The following RYR1 variants were observed in gnomAD, a reference collection of about 807,000 sequenced individuals.
The protein encoded by RYR1 is ryanodine receptor 1, also known as central core disease of muscle.
A neutral mutation model predicts 583.5 loss-of-function variants in RYR1; 342 were observed. That is an observed-to-expected ratio of 0.59 (90% CI 0.54 to 0.64). RYR1 has a LOEUF of 0.64. Among genes scored for constraint, RYR1 ranks in the 30% least tolerant of loss-of-function variants. The pLI, the probability that RYR1 is intolerant of heterozygous loss-of-function variation, is 0.00. For missense variants in RYR1, 6,032 were observed against 6,917.2 expected (o/e 0.87, Z 4.54); for synonymous variants, 2,791 against 2,822.5 (o/e 0.99, Z 0.35).
chr19:38,504,754 G>T lies in RYR1; in HGVS notation c.8074G>T (p.Asp2692Tyr). The change falls in exon 51 of 106, where the codon GAC becomes TAC. Residue 2692 changes from aspartate (D) to tyrosine (Y), a missense_variant. By Grantham distance (160) the Asp-to-Tyr change is radical. Transcript: ENST00000359596. ...CTTCACCCGGTTTTCCCAGAAATAC[G>T]ACCCGGAGCTGTACCGCATGGCCAT... Reference protein sequence around the residue: ...IFDSLAHKKYDPELYRMAMPC... With the variant: ...IFDSLAHKKYYPELYRMAMPC... The T allele has an allele frequency of 1.9e-6, 3 of 1,614,034 alleles. No homozygotes were observed. The highest frequency in any genetic ancestry group is 2.2e-5 in the East Asian group (1 of 44,876).
chr19:38,501,130 T>C (rs567986945), intron 47 of RYR1, 140 bp downstream of exon 47: 32 of 818,686 alleles, frequency 3.9e-5, no homozygotes, highest in Non-Finnish European at 6.1e-5. Context: ...ATCATCAAGA[T>C]AGAAAATGAA....
At chr19:38,552,159 C>T (rs1006520930) in intron 89 of RYR1, among the ~76,000 whole-genome samples, 3 of 151,650 alleles carry the variant, frequency 2.0e-5, no homozygotes, top group African/African-American at 7.3e-5. Flanking sequence ...GACATGTTGC[C>T]CTAGCTGGTC....
rs1349716775 is a variant in RYR1 at position 38,514,957 on chromosome 19, A to C, written c.9473-69A>C. The C allele has an allele frequency of 2.9e-6, 3 of 1,050,936 alleles. No individual in the cohort carries two copies. The African/African-American group carries it at 4.7e-5, about 16-fold the overall frequency. The allele number at this position is 1,050,936 out of a possible 1,614,324, so 65.1% of individuals were successfully genotyped here. Reference sequence around the variant, plus strand: ...CCCACTGCATGGGCCTATTTGAGACAAGGGAGGTGGGGTGGGGAGGGCTTG... The same window carrying C: ...CCCACTGCATGGGCCTATTTGAGACCAGGGAGGTGGGGTGGGGAGGGCTTG... On this transcript the variant is annotated intron_variant, in intron 63 of 105. Transcript: ENST00000359596.
chr19:38,490,282 C>T lies in RYR1; in HGVS notation c.6015+6C>T. The T allele has an allele frequency of 6.2e-7, 1 of 1,612,612 alleles. No homozygotes were observed. Among genetic ancestry groups the T allele is most frequent in the Non-Finnish European group, 8.5e-7 (1 of 1,179,364 alleles). ...GCTCCCCACCCCAGGAACAGGTCAT[C>T]TGACCCCTGACGCTGGCCACTTTTA... On this transcript the variant is annotated splice_donor_region_variant and intron_variant, in intron 36 of 105. Transcript: ENST00000359596.
intron 84 of RYR1, among the ~76,000 whole-genome samples, chr19:38,539,246 T>C (rs1260209264): frequency 1.3e-5 from 2 of 150,062 alleles, no homozygotes; most frequent in Admixed American, 6.6e-5. Flanking sequence ...TTCTTTTTTT[T>C]TTTTTTTTTT....
rs564801727 is a variant in RYR1, at chr19:38,483,847, G to A, written c.4934+331G>A. Among the ~76,000 whole-genome samples, 2 of 151,940 alleles carry A rather than the reference G, an allele frequency of 1.3e-5. 1 individual carries two copies. The highest frequency in any genetic ancestry group is 1.3e-4 in the Admixed American group (2 of 15,276). On this transcript the variant is annotated intron_variant, in intron 33 of 105. Coordinates refer to ENST00000359596, the MANE Select transcript of RYR1 (RefSeq NM_000540.3). This position sits in a 1 kb window ranked among gnomAD's most constrained non-coding sequence, Gnocchi z 6.3. The stretch of plus-strand genomic sequence containing the variant: ...CCAGACCCACATCAACACCCCAGGG[G>A]GCCCCAAGTACACCCCAGGATCCCT...
Position 38,565,386 on chromosome 19 carries a change from C to T in RYR1, c.13052C>T (p.Ala4351Val), listed in dbSNP as rs1316049690. ...GCTGGGGCCGCTGGCGCGGGGGCGG[C>T]GGCGGGCGCGCTGGGCCTGCTCTGG... Reference protein sequence around the residue: ...TRAGAAGAGAAAGALGLLWGS... With the variant: ...TRAGAAGAGAVAGALGLLWGS... The change falls in exon 91 of 106, where the codon GCG becomes GTG. Residue 4351 changes from alanine (A) to valine (V), a missense_variant. Physicochemically the swap from Ala to Val is moderately conservative, Grantham distance 64. Transcript: ENST00000359596. This position sits in a 1 kb window ranked among gnomAD's most constrained non-coding sequence, Gnocchi z 4.7. 2.2e-6 allele frequency: 3 copies of T among 1,355,274 alleles called. No individual in the cohort carries two copies. Among genetic ancestry groups the T allele is most frequent in the Non-Finnish European group, 1.9e-6 (2 of 1,063,012 alleles). 84.0% of individuals were successfully genotyped at this position (1,355,274 alleles called of 1,614,324 possible).
At chr19:38,553,455 G>A (rs1231582324) in intron 89 of RYR1, among the ~76,000 whole-genome samples, 1 of 151,546 alleles carries the variant, frequency 6.6e-6, no homozygotes, top group Non-Finnish European at 1.5e-5. Flanking sequence ...GACCAGCCTG[G>A]ACAATATAGC....
intron 2 of RYR1, among the ~76,000 whole-genome samples, chr19:38,442,072 T>C (rs1008553487): frequency 6.7e-6 from 1 of 149,966 alleles, no homozygotes; most frequent in Non-Finnish European, 1.5e-5. Flanking sequence ...GGAACACGGG[T>C]TAGTGGGGAG....
At chr19:38,535,035 T>G in intron 79 of RYR1, 106 bp from the exon 80 acceptor site, 2 of 1,230,356 alleles carry the variant, frequency 1.6e-6, no homozygotes, top group Non-Finnish European at 2.3e-6. Context: ...CTTGGCACAC[T>G]CTTAAATCCC....
chr19:38,505,728 G>C, intron 53 of RYR1, 78 bp from the exon 54 acceptor site: 1 of 1,575,608 alleles, frequency 6.3e-7, no homozygotes, highest in Non-Finnish European at 8.7e-7. Flanking sequence ...ACATGGTCAG[G>C]GTTTTCTCCT....
chr19:38,580,954 A>G (rs1974176305), intron 101 of RYR1, among the ~76,000 whole-genome samples: 1 of 148,688 alleles, frequency 6.7e-6, no homozygotes, highest in African/African-American at 2.5e-5. Context: ...GCTAGAGTGC[A>G]GTGGCGCAAT....
chr19:38,450,441 C>A (rs368980315), intron 11 of RYR1, among the ~76,000 whole-genome samples: 18 of 152,130 alleles, frequency 1.2e-4, no homozygotes, highest in African/African-American at 4.3e-4. Flanking sequence ...GGTCTCACAG[C>A]CACAGAGAAC....
Position 38,506,540 on chromosome 19 carries a change from G to A in RYR1, c.8686G>A (p.Ala2896Thr), listed in dbSNP as rs886054397. The change falls in exon 56 of 106, where the codon GCC becomes ACC. Residue 2896 changes from alanine (A) to threonine (T), a missense_variant. Ala to Thr is a moderately conservative substitution (Grantham distance 58, BLOSUM62 0). Coordinates refer to ENST00000359596, the MANE Select transcript of RYR1 (RefSeq NM_000540.3). ...WGRKKKQELE[A>T]KGGGTHPLLV... ...ACGGAAGAAGAAGCAGGAGCTGGAAGCCAAAGGTGAGGGCGCCCATGCCGC... is the reference window on the plus strand; with the variant it reads ...ACGGAAGAAGAAGCAGGAGCTGGAAACCAAAGGTGAGGGCGCCCATGCCGC... 6.2e-7 allele frequency: 1 copy of A among 1,614,010 alleles called. No individual in the cohort carries two copies. The highest frequency in any genetic ancestry group is 8.5e-7 in the Non-Finnish European group (1 of 1,179,978).
chr19:38,585,196 A>G, intron 102 of RYR1, 97 bp downstream of exon 102: 1 of 1,418,568 alleles, frequency 7.0e-7, no homozygotes, highest in Non-Finnish European at 9.7e-7. Context: ...TTCATACCCC[A>G]TCTCTACCTC....
At position 38,505,982 on chromosome 19, in the gene RYR1, AT is replaced by A. The variant is rs747073959; in HGVS notation, c.8541+37del. 1.3e-4 allele frequency: 207 copies of A among 1,548,388 alleles called. 10 individuals are homozygous for A. The highest frequency in any genetic ancestry group is 1.5e-4 in the Non-Finnish European group (171 of 1,135,958). Reference sequence around the variant, plus strand: ...GGCCTGGGTGGAGGGCAGGGGCACGATGGGGGGAGGGTCTAGAACAAGGGGC... The same window carrying A: ...GGCCTGGGTGGAGGGCAGGGGCACGAGGGGGGAGGGTCTAGAACAAGGGGC... On this transcript the variant is annotated intron_variant, in intron 54 of 105. Coordinates refer to ENST00000359596, the MANE Select transcript of RYR1 (RefSeq NM_000540.3).
intron 65 of RYR1, 104 bp from the exon 66 acceptor site, chr19:38,517,255 G>C (rs997927656): frequency 4.3e-6 from 5 of 1,165,278 alleles, no homozygotes; most frequent in East Asian, 2.5e-5. Flanking sequence ...ACTGTTTAAG[G>C]GGGGTGGCAA....
chr19:38,494,825 C>T (rs1012031951), intron 39 of RYR1, among the ~76,000 whole-genome samples, 200 bp downstream of exon 39: 1 of 151,116 alleles, frequency 6.6e-6, no homozygotes. Flanking sequence ...TTCTGTGTGA[C>T]TCTCAGCAGG....
At chr19:38,560,409 A>G (rs74891592) in intron 89 of RYR1, among the ~76,000 whole-genome samples, 7,812 of 151,624 alleles carry the variant, frequency 0.052, 252 homozygotes, top group Middle Eastern at 0.068. Flanking sequence ...GAAGCAACCT[A>G]CATTTCCATT....
Sources: allele counts gnomAD v4.1 joint callset (sites outside exome capture counted in the v4.1 genomes callset), GRCh38; gene constraint gnomAD v4.1.1; non-coding constraint Gnocchi (gnomAD v3.1); transcripts MANE v1.5; gene names NCBI Gene and HGNC (gene_info 2026-07-23, HGNC 2026-07-21).